DNAH6: variants seen among roughly 807,000 people sequenced by gnomAD.
The protein encoded by DNAH6 is dynein axonemal heavy chain 6, also known as axonemal beta dynein heavy chain 6.
A neutral mutation model predicts 491.4 loss-of-function variants in DNAH6; 340 were observed. The observed-to-expected ratio is 0.69, with a 90% CI of 0.63 to 0.76. The LOEUF is 0.76. Among genes scored for constraint, DNAH6 ranks in the 30% least tolerant of loss-of-function variants. DNAH6 has a pLI of 0.00. For missense variants in DNAH6, 4,443 were observed against 4,972.2 expected, an observed-to-expected ratio of 0.89 and a Z score of 3.20; for synonymous variants, 1,603 against 1,686.1, an observed-to-expected ratio of 0.95 and a Z score of 1.21.
In DNAH6 at chr2:84,544,398, C is replaced by A. The variant is rs879487388; in HGVS notation, c.828C>A (p.Phe276Leu). 5 of 1,544,920 alleles carry A rather than the reference C, an allele frequency of 3.2e-6. No individual in the cohort carries two copies. The highest frequency in any genetic ancestry group is 4.4e-6 in the Non-Finnish European group (5 of 1,141,210). Residue 276 changes from phenylalanine (F) to leucine (L), a missense_variant, in exon 5 of 77, where the codon TTC (phenylalanine) becomes TTA (leucine). Phe to Leu is a conservative substitution (Grantham distance 22). Transcript: ENST00000389394. The stretch of plus-strand genomic sequence containing the variant: ...CTAAGATTCCCATATTTTCACTGTT[C>A]CGGAAATGGAAGGCTTTTAGTGTAT... ...ELTKIPIFSLFRKWKAFSVWR... is the reference protein window; with the variant it reads ...ELTKIPIFSLLRKWKAFSVWR...
At position 84,621,355 on chromosome 2, in the gene DNAH6, A is replaced by G. The variant is rs1265325667; in HGVS notation, c.3957A>G (p.Gln1319=). The G allele has an allele frequency of 6.4e-7, 1 of 1,551,378 alleles. No homozygotes were observed. Among genetic ancestry groups the G allele is most frequent in the African/African-American group, 1.4e-5 (1 of 73,040 alleles). Residue 1319 remains glutamine, a splice_region_variant and synonymous_variant, in exon 25 of 77, where the codon CAA becomes CAG. Coordinates refer to ENST00000389394, the MANE Select transcript of DNAH6 (RefSeq NM_001370.2). ...TDWVVAGHPS[Q]VILTVSQIMW... ...GGGTGGTTGCTGGCCACCCTTCTCA[A>G]GTAACTCACACTCACATTTCATATC... is the stretch of plus-strand genomic sequence containing the variant.
the DNAH6 span, among the ~76,000 whole-genome samples, chr2:84,511,017 G>GGTCAA: frequency 5.4e-4 from 82 of 152,294 alleles, 1 homozygote; most frequent in Admixed American, 4.9e-3. Flanking sequence ...GCTACTCGGG[G>GGTCAA]GTCAGGGACC....
chr2:84,607,116 T>C (rs1361482992), intron 21 of DNAH6, 21 bp downstream of exon 21: 1 of 1,546,970 alleles, frequency 6.5e-7, no homozygotes, highest in South Asian at 1.2e-5. Flanking sequence ...ATAATTTTGA[T>C]TCATACACTC....
In DNAH6 at chr2:84,525,630, G is replaced by A. The variant is rs1358690119; in HGVS notation, c.291G>A (p.Gln97=). The part of the protein sequence containing the change: ...PEYIHEQNRF[Q]LMTAGIIKRP... ...ACATACATGAACAGAACCGATTTCA[G>A]TTAATGACTGCAGGAATCATTAAAC... The change falls in exon 3 of 77, where the codon CAG becomes CAA. Residue 97 remains glutamine (Q), a synonymous_variant. Transcript: ENST00000389394. 1 of 1,550,532 alleles carries A rather than the reference G, an allele frequency of 6.4e-7. No homozygotes were observed. Among genetic ancestry groups the A allele is most frequent in the South Asian group, 1.2e-5 (1 of 83,982 alleles).
intron 4 of DNAH6, among the ~76,000 whole-genome samples, chr2:84,530,994 G>A (rs1005856993): frequency 3.3e-5 from 5 of 152,096 alleles, no homozygotes; most frequent in Non-Finnish European, 7.4e-5. Flanking sequence ...AAGGTAGTAC[G>A]GGCACAGCTT....
chr2:84,624,365 T>C lies in DNAH6; in HGVS notation c.4172T>C (p.Ile1391Thr), dbSNP rs1687659496. 10 of 1,551,028 alleles carry C rather than the reference T, an allele frequency of 6.4e-6. No individual in the cohort carries two copies. The East Asian group carries it at 7.3e-5, about 11-fold the overall frequency. Residue 1391 changes from isoleucine to threonine, a missense_variant, in exon 27 of 77, where the codon ATA becomes ACA. Physicochemically the swap from Ile to Thr is moderately conservative, Grantham distance 89. Coordinates refer to ENST00000389394, the MANE Select transcript of DNAH6 (RefSeq NM_001370.2). ...ACTATTGATGTGCATGCAAGAGATA[T>C]AGTCACTGAACTTGTTCAATCCAAG... is the stretch of plus-strand genomic sequence containing the variant. Reference protein sequence around the residue: ...LITIDVHARDIVTELVQSKVE... With the variant: ...LITIDVHARDTVTELVQSKVE...
intron 19 of DNAH6, 107 bp downstream of exon 19, chr2:84,604,658 C>T: frequency 1.3e-6 from 1 of 769,550 alleles, no homozygotes; most frequent in South Asian, 1.8e-5. Flanking sequence ...AGCTTTCACT[C>T]TCTCATTATC....
chr2:84,622,391 G>A (rs79761848), intron 26 of DNAH6, among the ~76,000 whole-genome samples: 4,362 of 152,062 alleles, frequency 0.029, 224 homozygotes, highest in African/African-American at 0.099. Flanking sequence ...GTGCAGGGAT[G>A]CGATCATAGC....
chr2:84,635,463 G>C (rs1431403115), intron 30 of DNAH6, among the ~76,000 whole-genome samples: 1 of 152,118 alleles, frequency 6.6e-6, no homozygotes, highest in Admixed American at 6.5e-5. Context: ...ACTCCCTCTT[G>C]TTCCCGCATA....
At chr2:84,740,470 G>A (rs1672418327) in intron 62 of DNAH6, among the ~76,000 whole-genome samples, 1 of 152,180 alleles carries the variant, frequency 6.6e-6, no homozygotes, top group Non-Finnish European at 1.5e-5. Flanking sequence ...AAGAAGGGTG[G>A]CGGAGCAAGT....
At chr2:84,541,909 A>T (rs1323018274) in intron 4 of DNAH6, among the ~76,000 whole-genome samples, 2 of 152,192 alleles carry the variant, frequency 1.3e-5, no homozygotes, top group East Asian at 3.8e-4. Flanking sequence ...TGGACTCAGA[A>T]ATCTAGATTC....
At chr2:84,629,312 A>C (rs1225904644) in intron 29 of DNAH6, among the ~76,000 whole-genome samples, 1 of 152,196 alleles carries the variant, frequency 6.6e-6, no homozygotes, top group Non-Finnish European at 1.5e-5. Flanking sequence ...TATACGTATC[A>C]TATTGACTCA....
intron 18 of DNAH6, among the ~76,000 whole-genome samples, chr2:84,604,008 TA>T (rs1266590467): frequency 1.3e-5 from 2 of 152,204 alleles, no homozygotes; most frequent in Non-Finnish European, 2.9e-5. Flanking sequence ...GCTCTATTTT[TA>T]AAATTTAGCT....
upstream of DNAH6, among the ~76,000 whole-genome samples, chr2:84,514,050 C>T (rs1404907851): frequency 6.6e-6 from 1 of 151,990 alleles, no homozygotes; most frequent in African/African-American, 2.4e-5. Context: ...AAGGCCTAGT[C>T]TTCCATTTCT....
intron 17 of DNAH6, 134 bp downstream of exon 17, chr2:84,594,219 T>A: frequency 2.8e-6 from 1 of 362,194 alleles, no homozygotes. Flanking sequence ...GGTATCATTT[T>A]CTGATAATTT....
intron 4 of DNAH6, among the ~76,000 whole-genome samples, chr2:84,534,971 T>C (rs1413644893): frequency 2.6e-5 from 4 of 151,934 alleles, no homozygotes. Context: ...CTAATAAAAT[T>C]ATCTTGGTAA....
At chr2:84,649,769 C>G (rs1285488267) in intron 33 of DNAH6, among the ~76,000 whole-genome samples, 2 of 151,844 alleles carry the variant, frequency 1.3e-5, no homozygotes, top group African/African-American at 4.8e-5. Context: ...CACCATTATC[C>G]TCAGCAAACT....
At chr2:84,776,585 G>C (rs555846329) in intron 64 of DNAH6, among the ~76,000 whole-genome samples, 1 of 152,208 alleles carries the variant, frequency 6.6e-6, no homozygotes, top group East Asian at 1.9e-4. Flanking sequence ...TCTAGTTCTA[G>C]ATCCTTGAGG....
intron 5 of DNAH6, 24 bp from the exon 6 acceptor site, chr2:84,547,244 T>C: frequency 6.7e-7 from 1 of 1,487,430 alleles, no homozygotes; most frequent in Non-Finnish European, 9.0e-7. Flanking sequence ...TTTTACTAAA[T>C]AATAAATTCC....
Sources: allele counts gnomAD v4.1 joint callset (sites outside exome capture counted in the v4.1 genomes callset), GRCh38; gene constraint gnomAD v4.1.1; transcripts MANE v1.5; gene names NCBI Gene and HGNC (gene_info 2026-07-23, HGNC 2026-07-21).